The following CNTN6 variants were observed in gnomAD, a reference collection of about 807,000 sequenced individuals.
The protein encoded by CNTN6 is contactin-6.
Under a neutral mutation model 122.8 loss-of-function variants are expected in CNTN6, and 137 were observed. The observed-to-expected ratio is 1.12, with a 90% CI of 0.97 to 1.29. CNTN6 has a LOEUF of 1.29. CNTN6 is among the 50% of genes most tolerant of loss of function. The probability of loss-of-function intolerance (pLI) is 0.00; values close to 1 mark genes in which losing one functional copy is unlikely to be tolerated. For missense variants in CNTN6, 1,634 were observed against 1,223.4 expected, an observed-to-expected ratio of 1.34 and a Z score of -5.01; for synonymous variants, 570 against 426.0, an observed-to-expected ratio of 1.34 and a Z score of -4.16.
In CNTN6 at chr3:1,372,858, G is replaced by A. The variant is rs746739485; in HGVS notation, c.1689G>A (p.Met563Ile). Reference sequence around the variant, plus strand: ...TGCAGGAATCTGTTGGGGATTTGATGATAAGGAATATTCAGTTACATCATT... The same window carrying A: ...TGCAGGAATCTGTTGGGGATTTGATAATAAGGAATATTCAGTTACATCATT... ...RIGGESVGDLMIRNIQLHHSG... is the reference protein window; with the variant it reads ...RIGGESVGDLIIRNIQLHHSG... Residue 563 changes from methionine (M) to isoleucine (I), a missense_variant, in exon 14 of 23, where the codon ATG (methionine) becomes ATA (isoleucine). Coordinates refer to ENST00000446702, the MANE Select transcript of CNTN6 (RefSeq NM_001289080.2). The A allele has an allele frequency of 3.1e-6, 5 of 1,604,060 alleles. No individual in the cohort carries two copies. The highest frequency in any genetic ancestry group is 3.4e-5 in the Admixed American group (2 of 59,012).
intron 4 of CNTN6, among the ~76,000 whole-genome samples, chr3:1,250,551 T>C (rs1387947425): frequency 6.6e-6 from 1 of 152,144 alleles, no homozygotes; most frequent in Non-Finnish European, 1.5e-5. Context: ...TCTCTGCTTT[T>C]ACGAGGTCTT....
intron 7 of CNTN6, among the ~76,000 whole-genome samples, chr3:1,299,450 C>T (rs766219618): frequency 1.3e-5 from 2 of 152,044 alleles, no homozygotes; most frequent in Admixed American, 6.5e-5. Context: ...AAATGGTCTT[C>T]CACAATAAAA....
intron 20 of CNTN6, among the ~76,000 whole-genome samples, chr3:1,389,598 T>TTTAAATGTA (rs1693779819): frequency 6.6e-6 from 1 of 152,050 alleles, no homozygotes; most frequent in Non-Finnish European, 1.5e-5. Context: ...CTAAATGCTC[T>TTTAAATGTA]AATTAAAAGA....
Position 1,387,423 on chromosome 3 carries a change from C to CCTGGAGTGGTTTAGCTTCTTT in CNTN6, c.2704+1628_2704+1648dup, listed in dbSNP as rs1326543504. ...ATGTATGATTTGCTTCTTTGGTCTT[C>CCTGGAGTGGTTTAGCTTCTTT]CTGGAGTGGTTTAGCTTCTTTCAGC... On this transcript the variant is annotated intron_variant, in intron 20 of 22. Coordinates refer to ENST00000446702, the MANE Select transcript of CNTN6 (RefSeq NM_001289080.2). Among the ~76,000 whole-genome samples the CCTGGAGTGGTTTAGCTTCTTT allele has an allele frequency of 2.6e-5, 4 of 152,192 alleles. No individual in the cohort carries two copies. The South Asian group carries it at 8.3e-4, about 32-fold the overall frequency.
At chr3:1,202,457 G>A (rs1426100312) in intron 2 of CNTN6, among the ~76,000 whole-genome samples, 5 of 149,090 alleles carry the variant, frequency 3.4e-5, no homozygotes, top group African/African-American at 1.2e-4. Flanking sequence ...GGAGAATGGC[G>A]GGAACCCCGG....
chr3:1,183,202 C>T (rs762852896), intron 2 of CNTN6, among the ~76,000 whole-genome samples: 1 of 152,070 alleles, frequency 6.6e-6, no homozygotes. Context: ...TTCATTCTAA[C>T]ATCAAAATTA....
At chr3:1,275,959 C>G (rs1007402184) in intron 4 of CNTN6, among the ~76,000 whole-genome samples, 1 of 152,142 alleles carries the variant, frequency 6.6e-6, no homozygotes, top group South Asian at 2.1e-4. Context: ...TTAGATAGCT[C>G]ATGGATAATA....
chr3:1,203,852 G>T (rs1019141615), intron 2 of CNTN6, among the ~76,000 whole-genome samples: 10 of 152,090 alleles, frequency 6.6e-5, no homozygotes, highest in African/African-American at 2.4e-4. Context: ...GGTAACTTAG[G>T]ATTATAATAC....
At chr3:1,212,357 C>A (rs1259293346) in intron 2 of CNTN6, among the ~76,000 whole-genome samples, 1 of 150,256 alleles carries the variant, frequency 6.7e-6, no homozygotes, top group Non-Finnish European at 1.5e-5. Flanking sequence ...AGCCACCATG[C>A]CCAGCCTCTC....
chr3:1,300,492 G>GAAGA (rs1697057139), intron 7 of CNTN6, among the ~76,000 whole-genome samples: 1 of 99,370 alleles, frequency 1.0e-5, no homozygotes, highest in Non-Finnish European at 1.8e-5. Context: ...AGGAAGGAAG[G>GAAGA]AAAAAGAAAA....
chr3:1,101,890 C>T (rs192390176), intron 1 of CNTN6, among the ~76,000 whole-genome samples: 4 of 152,098 alleles, frequency 2.6e-5, no homozygotes, highest in Non-Finnish European at 1.5e-5. Flanking sequence ...AATCTAGAGG[C>T]AATTATTCAA....
At chr3:1,321,401 G>T (rs1203743931) in intron 7 of CNTN6, among the ~76,000 whole-genome samples, 1 of 151,654 alleles carries the variant, frequency 6.6e-6, no homozygotes, top group African/African-American at 2.4e-5. Flanking sequence ...CAGAGGACAT[G>T]TCTATTTTAT....
intron 2 of CNTN6, among the ~76,000 whole-genome samples, chr3:1,153,876 A>G (rs758110747): frequency 3.9e-5 from 6 of 152,218 alleles, no homozygotes; most frequent in Non-Finnish European, 5.9e-5. Flanking sequence ...TCCCAGAAGC[A>G]CATACTGGAT....
intron 2 of CNTN6, among the ~76,000 whole-genome samples, chr3:1,215,532 T>C (rs72999898): frequency 0.069 from 10,539 of 152,294 alleles, 453 homozygotes; most frequent in Non-Finnish European, 0.1. Flanking sequence ...GGTTCTATTG[T>C]CTGTGTATTT....
chr3:1,379,968 C>T (rs1214433645), intron 17 of CNTN6, among the ~76,000 whole-genome samples: 1 of 152,018 alleles, frequency 6.6e-6, no homozygotes, highest in Non-Finnish European at 1.5e-5. Context: ...CAGTGGAATA[C>T]AAAAATGGAT....
intron 4 of CNTN6, among the ~76,000 whole-genome samples, chr3:1,272,718 A>G (rs2095046518): frequency 6.6e-6 from 1 of 151,986 alleles, no homozygotes; most frequent in African/African-American, 2.4e-5. Flanking sequence ...GACTTGGCAA[A>G]CCACTGGCCT....
chr3:1,118,346 C>T (rs1009242699), intron 1 of CNTN6, among the ~76,000 whole-genome samples: 8 of 152,152 alleles, frequency 5.3e-5, no homozygotes, highest in East Asian at 1.9e-4. Context: ...ATGACCTGTA[C>T]GGAATAGTAA....
chr3:1,373,922 A>C lies in CNTN6; in HGVS notation c.1946-2A>C, dbSNP rs144946444. On this transcript the variant is annotated splice_acceptor_variant, in intron 15 of 22. Coordinates refer to ENST00000446702, the MANE Select transcript of CNTN6 (RefSeq NM_001289080.2). LOFTEE classifies it high-confidence loss of function. ...GGTGCCTTAGTGTCTCATTCTTTTTAGTTCCAGAAATTCTCAATGGTAAGA... is the reference window on the plus strand; with the variant it reads ...GGTGCCTTAGTGTCTCATTCTTTTTCGTTCCAGAAATTCTCAATGGTAAGA... The C allele has an allele frequency of 1.2e-6, 2 of 1,607,226 alleles. No homozygotes were observed. The highest frequency in any genetic ancestry group is 2.7e-5 in the African/African-American group (2 of 74,736).
At chr3:1,102,975 C>T (rs531096713) in intron 1 of CNTN6, among the ~76,000 whole-genome samples, 4,714 of 150,740 alleles carry the variant, frequency 0.031, 256 homozygotes, top group African/African-American at 0.11. Flanking sequence ...GGCGTGGTGG[C>T]GGCGCCTGTG....
Sources: allele counts gnomAD v4.1 joint callset (sites outside exome capture counted in the v4.1 genomes callset), GRCh38; gene constraint gnomAD v4.1.1; transcripts MANE v1.5; gene names NCBI Gene and HGNC (gene_info 2026-07-23, HGNC 2026-07-21).